THRAP3: variants seen among roughly 807,000 people sequenced by gnomAD.
THRAP3 encodes the protein thyroid hormone receptor-associated protein 3.
In THRAP3, 16 loss-of-function variants were observed where a neutral mutation model predicts 101.0. That is an observed-to-expected ratio of 0.16 (90% CI 0.11 to 0.24). THRAP3 has a LOEUF of 0.24. Ranked by LOEUF, THRAP3 falls within the 10% of genes least tolerant of loss-of-function variation. The pLI, the probability that THRAP3 is intolerant of heterozygous loss-of-function variation, is 1.00. For synonymous variants in THRAP3, 407 were observed against 422.6 expected, an observed-to-expected ratio of 0.96 and a Z score of 0.45; for missense variants, 989 against 1,202.7, an observed-to-expected ratio of 0.82 and a Z score of 2.63.
chr1:36,256,891 G>A (rs990891949), intron 1 of THRAP3, among the ~76,000 whole-genome samples: 8 of 151,924 alleles, frequency 5.3e-5, no homozygotes, highest in African/African-American at 1.5e-4. Context: ...TGCCTCCCAG[G>A]TTCAAGTGAT....
chr1:36,261,455 C>A (rs1487509165), intron 2 of THRAP3, among the ~76,000 whole-genome samples: 1 of 152,184 alleles, frequency 6.6e-6, no homozygotes, highest in Non-Finnish European at 1.5e-5. Flanking sequence ...ATGGCGTGAA[C>A]CCGGGAGGCG....
Position 36,289,913 on chromosome 1 carries a change from G to A in THRAP3, c.1745+149G>A, listed in dbSNP as rs960112823. 2.5e-6 allele frequency: 3 copies of A among 1,182,432 alleles called. No individual in the cohort carries two copies. The South Asian group carries it at 5.0e-5, about 20-fold the overall frequency. 73.2% of individuals were successfully genotyped at this position (1,182,432 alleles called of 1,614,324 possible). A position where few individuals can be genotyped will look rare whatever the true frequency, so the allele number is the denominator to read the frequency against. ...CATGTCCACCTGTGTTCACTGGAGA[G>A]TATGTGTCACAGAGTGATTGTGTGC... On this transcript the variant is annotated intron_variant, in intron 5 of 11. Coordinates refer to ENST00000354618, the MANE Select transcript of THRAP3 (RefSeq NM_005119.4).
At position 36,288,659 on chromosome 1, in the gene THRAP3, C is replaced by T. The variant is rs943575784; in HGVS notation, c.1041-401C>T. On this transcript the variant is annotated intron_variant, in intron 4 of 11. Transcript: ENST00000354618. ...AAAAGCAAAACAGTCCAAGGTTGAA[C>T]ATTCTATGTTAACTTTGCTGAAAGC... The T allele has an allele frequency of 3.0e-6, 3 of 985,292 alleles. No individual in the cohort carries two copies. In the African/African-American group the frequency reaches 5.2e-5, roughly 17 times the overall value. 61.0% of individuals were successfully genotyped at this position (985,292 alleles called of 1,614,324 possible).
At chr1:36,284,664 G>T (rs1645773697) in intron 3 of THRAP3, among the ~76,000 whole-genome samples, 2 of 152,148 alleles carry the variant, frequency 1.3e-5, no homozygotes, top group Admixed American at 6.6e-5. Context: ...TTTGCAATCT[G>T]CAGAGACTCA....
At chr1:36,229,803 C>T (rs949101657) in intron 1 of THRAP3, among the ~76,000 whole-genome samples, 2 of 148,726 alleles carry the variant, frequency 1.3e-5, no homozygotes, top group Non-Finnish European at 1.5e-5. Context: ...CAGGCATGTA[C>T]CACCATGCCC....
At chr1:36,216,245 C>T in the THRAP3 span, among the ~76,000 whole-genome samples, 4 of 151,676 alleles carry the variant, frequency 2.6e-5, no homozygotes, top group Admixed American at 6.6e-5. Flanking sequence ...AACAGCTGGG[C>T]GCTGTAGCTC....
intron 1 of THRAP3, among the ~76,000 whole-genome samples, chr1:36,256,942 C>T (rs1645383591): frequency 6.6e-6 from 1 of 152,078 alleles, no homozygotes; most frequent in Non-Finnish European, 1.5e-5. Context: ...ATTACAGGCA[C>T]CAGCCACCTC....
rs896707910 is a variant in THRAP3, at chr1:36,292,396, G to A, written c.1919-202G>A. ...ACGACATTCTTCTGCCTCAGCCTCC[G>A]GAGTAGCTGGGACTACAGGCGCCCG... is the stretch of plus-strand genomic sequence containing the variant. On this transcript the variant is annotated intron_variant, in intron 6 of 11. Coordinates refer to ENST00000354618, the MANE Select transcript of THRAP3 (RefSeq NM_005119.4). 8.1e-5 allele frequency among the ~76,000 whole-genome samples: 12 copies of A among 148,316 alleles called. No homozygotes were observed. In the East Asian group the frequency reaches 1.2e-3, roughly 15 times the overall value.
At chr1:36,260,776 C>T (rs148890475) in intron 2 of THRAP3, among the ~76,000 whole-genome samples, 2,069 of 149,246 alleles carry the variant, frequency 0.014, 54 homozygotes, top group African/African-American at 0.047. Flanking sequence ...GAGCTGAGAT[C>T]GCACCACTGC....
At position 36,227,488 on chromosome 1, in the gene THRAP3, G is replaced by A. The variant is rs138894865; in HGVS notation, c.-135+2983G>A. 5.4e-3 allele frequency among the ~76,000 whole-genome samples: 815 copies of A among 152,096 alleles called. 2 individuals are homozygous for A. The highest frequency in any genetic ancestry group is 0.02 in the Middle Eastern group (6 of 294). On this transcript the variant is annotated intron_variant, in intron 1 of 11. Coordinates refer to ENST00000354618, the MANE Select transcript of THRAP3 (RefSeq NM_005119.4). ...GTAGAGACAGTGTTTCTCCATGTTG[G>A]TCAGGCTGGTCTCAAACTCCCACGC...
intron 1 of THRAP3, among the ~76,000 whole-genome samples, chr1:36,256,004 C>G (rs1179294110): frequency 1.3e-5 from 2 of 151,660 alleles, no homozygotes. Flanking sequence ...TGTCCTTTAT[C>G]TGGATCATTA....
At position 36,296,774 on chromosome 1, in the gene THRAP3, C is replaced by A; in HGVS notation, c.2303+4C>A. On this transcript the variant is annotated splice_donor_region_variant and intron_variant, in intron 9 of 11. Transcript: ENST00000354618. ...ATAAAGGATCAAAGAAACAGAAGTA[C>A]GTAAGCCCCTGTTACCCCTTCCAGA... 1 of 1,581,298 alleles carries A rather than the reference C, an allele frequency of 6.3e-7. No homozygotes were observed. Among genetic ancestry groups the A allele is most frequent in the Non-Finnish European group, 8.6e-7 (1 of 1,168,978 alleles).
intron 1 of THRAP3, among the ~76,000 whole-genome samples, chr1:36,254,009 G>C (rs1193316869): frequency 6.6e-6 from 1 of 151,932 alleles, no homozygotes; most frequent in Admixed American, 6.6e-5. Flanking sequence ...GTTAAGGGTG[G>C]TTCTTGTTGA....
chr1:36,233,341 A>G (rs899552390), intron 1 of THRAP3, among the ~76,000 whole-genome samples: 7 of 151,666 alleles, frequency 4.6e-5, no homozygotes, highest in Non-Finnish European at 4.4e-5. Flanking sequence ...CCTCGTCTCT[A>G]CTAAAAATAA....
chr1:36,233,401 G>A (rs988394903), intron 1 of THRAP3, among the ~76,000 whole-genome samples: 1 of 151,860 alleles, frequency 6.6e-6, no homozygotes, highest in Non-Finnish European at 1.5e-5. Context: ...AGCTACTTGG[G>A]AGGCTGAGGC....
At position 36,287,180 on chromosome 1, in the gene THRAP3, TGGGTAA is replaced by T. The variant is rs1645807478; in HGVS notation, c.952_957del (p.Gly318_Lys319del). 1 of 1,614,046 alleles carries T rather than the reference TGGGTAA, an allele frequency of 6.2e-7. No homozygotes were observed. The highest frequency in any genetic ancestry group is 1.1e-5 in the South Asian group (1 of 91,086). On this transcript the variant is annotated inframe_deletion, in exon 4 of 12. Coordinates refer to ENST00000354618, the MANE Select transcript of THRAP3 (RefSeq NM_005119.4). The stretch of plus-strand genomic sequence containing the variant: ...CTGAGTCCATCCAAAAAGAGCCCTG[TGGGTAA>T]GAGTCCACCATCCACTGGCTCCACA...
chr1:36,280,865 A>C (rs1235215354), intron 2 of THRAP3, among the ~76,000 whole-genome samples: 1 of 152,110 alleles, frequency 6.6e-6, no homozygotes, highest in Non-Finnish European at 1.5e-5. Context: ...GGAAAAAAGG[A>C]AAAAGACTAT....
intron 1 of THRAP3, among the ~76,000 whole-genome samples, chr1:36,228,509 G>C (rs1389200643): frequency 6.6e-6 from 1 of 152,172 alleles, no homozygotes; most frequent in African/African-American, 2.4e-5. Context: ...GTGAGCCAGC[G>C]CATCTGGCCT....
intron 2 of THRAP3, among the ~76,000 whole-genome samples, chr1:36,273,723 G>A (rs1331283377): frequency 6.6e-6 from 1 of 152,084 alleles, no homozygotes; most frequent in African/African-American, 2.4e-5. Flanking sequence ...AATGAATTTA[G>A]CAAGGTTGCA....
Sources: allele counts gnomAD v4.1 joint callset (sites outside exome capture counted in the v4.1 genomes callset), GRCh38; gene constraint gnomAD v4.1.1; transcripts MANE v1.5; gene names NCBI Gene and HGNC (gene_info 2026-07-23, HGNC 2026-07-21).